ERO1A: variants seen among roughly 807,000 people sequenced by gnomAD.
ERO1A encodes the protein ERO1-like protein alpha.
A neutral mutation model predicts 76.9 loss-of-function variants in ERO1A; 49 were observed. The observed-to-expected ratio is 0.64, with a 90% confidence interval of 0.51 to 0.81. ERO1A has a LOEUF of 0.81. Ranked by LOEUF, ERO1A falls within the 30% of genes least tolerant of loss-of-function variation. ERO1A has a pLI of 0.00. For missense variants in ERO1A, 448 were observed against 542.1 expected, an observed-to-expected ratio of 0.83 and a Z score of 1.72; for synonymous variants, 174 against 181.2, an observed-to-expected ratio of 0.96 and a Z score of 0.32.
At position 52,685,828 on chromosome 14, in the gene ERO1A, T is replaced by C. The variant is rs575758463; in HGVS notation, c.115-1921A>G. ...CACTCCACACACTATTATCTAAGTA[T>C]TACTGTACCTCACAGCAGTGAATTT... On this transcript the variant is annotated intron_variant, in intron 1 of 15. Transcript: ENST00000395686. Among the ~76,000 whole-genome samples, 17 of 152,206 alleles carry C rather than the reference T, an allele frequency of 1.1e-4. No individual in the cohort carries two copies. The South Asian group carries it at 2.3e-3, about 20-fold the overall frequency.
At chr14:52,656,198 A>G (rs888929437) in intron 11 of ERO1A, among the ~76,000 whole-genome samples, 7 of 152,208 alleles carry the variant, frequency 4.6e-5, no homozygotes. Context: ...CTTCAATAAG[A>G]TTAAGTTTTT....
Position 52,662,715 on chromosome 14 carries a change from C to T in ERO1A, c.676+1086G>A, listed in dbSNP as rs368316626. On this transcript the variant is annotated intron_variant, in intron 8 of 15. Coordinates refer to ENST00000395686, the MANE Select transcript of ERO1A (RefSeq NM_014584.3). Reference sequence around the variant, plus strand: ...ACAGTGCCTAGCAGGTAGTAAATGGCGGATAATCATTTGCTGAAAGAACAA... The same window carrying T: ...ACAGTGCCTAGCAGGTAGTAAATGGTGGATAATCATTTGCTGAAAGAACAA... Among the ~76,000 whole-genome samples the T allele has an allele frequency of 7.9e-5, 12 of 152,184 alleles. No homozygotes were observed. The East Asian group carries it at 2.1e-3, about 27-fold the overall frequency.
At chr14:52,681,423 G>T (rs1341602376) in intron 3 of ERO1A, among the ~76,000 whole-genome samples, 2 of 152,076 alleles carry the variant, frequency 1.3e-5, no homozygotes, top group African/African-American at 4.8e-5. Context: ...GACCAACATG[G>T]AGAAACCCCA....
intron 1 of ERO1A, among the ~76,000 whole-genome samples, chr14:52,692,620 T>C (rs894035647): frequency 6.6e-6 from 1 of 152,200 alleles, no homozygotes; most frequent in African/African-American, 2.4e-5. Flanking sequence ...TCCTAACTTG[T>C]TTTTTAAGTG....
intron 10 of ERO1A, 34 bp from the exon 11 acceptor site, chr14:52,658,043 CAT>C (rs768970050): frequency 7.8e-6 from 12 of 1,532,222 alleles, no homozygotes; most frequent in Non-Finnish European, 1.1e-5. Flanking sequence ...AATAAAATTT[CAT>C]ATGTGAATCT....
intron 3 of ERO1A, among the ~76,000 whole-genome samples, chr14:52,680,152 T>C (rs2040945930): frequency 6.6e-6 from 1 of 151,480 alleles, no homozygotes. Flanking sequence ...TTCCCAGCTC[T>C]GCAGAAGCTT....
intron 11 of ERO1A, among the ~76,000 whole-genome samples, chr14:52,654,406 A>G (rs935440671): frequency 6.6e-6 from 1 of 152,128 alleles, no homozygotes; most frequent in Non-Finnish European, 1.5e-5. Flanking sequence ...AGAATTCTAC[A>G]TAAGCCTGTA....
In ERO1A at chr14:52,643,325, T is replaced by C; in HGVS notation, c.*245A>G. 6.8e-6 allele frequency: 2 copies of C among 293,590 alleles called. No individual in the cohort carries two copies. Among genetic ancestry groups the C allele is most frequent in the Non-Finnish European group, 1.2e-5 (2 of 161,014 alleles). The allele number at this position is 293,590 out of a possible 1,614,324, so 18.2% of individuals were successfully genotyped here. ...ATGAATTTGATAATCCTCCTTTTAT[T>C]CAATATTAAACTTTAAAATTTGTAC... is the stretch of plus-strand genomic sequence containing the variant. On this transcript the variant is annotated 3_prime_UTR_variant, in exon 16 of 16. Coordinates refer to ENST00000395686, the MANE Select transcript of ERO1A (RefSeq NM_014584.3).
In ERO1A at chr14:52,683,818, A is replaced by G. The variant is rs144103154; in HGVS notation, c.204T>C (p.Leu68=). ...AATACCTAAAGTAGTCACTTTCAAGAAGTTTTTGTAGTCTTGGGAAAAGCC... is the reference window on the plus strand; with the variant it reads ...AATACCTAAAGTAGTCACTTTCAAGGAGTTTTTGTAGTCTTGGGAAAAGCC... The part of the protein sequence containing the change: ...NYRLFPRLQK[L]LESDYFRYYK... Residue 68 remains leucine (L), a synonymous_variant, in exon 2 of 16, where the codon CTT becomes CTC. Transcript: ENST00000395686. 420 of 1,538,946 alleles carry G rather than the reference A, an allele frequency of 2.7e-4. No homozygotes were observed. The highest frequency in any genetic ancestry group is 5.4e-4 in the Admixed American group (31 of 57,450).
chr14:52,646,531 G>T, intron 13 of ERO1A, 70 bp from the exon 14 acceptor site: 2 of 1,213,618 alleles, frequency 1.6e-6, no homozygotes, highest in Non-Finnish European at 2.4e-6. Context: ...TTCTGAGCAG[G>T]TTCTATGTGC....
chr14:52,660,761 T>C (rs1310111327), intron 9 of ERO1A, among the ~76,000 whole-genome samples: 3 of 152,234 alleles, frequency 2.0e-5, no homozygotes, highest in African/African-American at 7.2e-5. Context: ...TTGTTAAGCA[T>C]ATGGTCTTAA....
chr14:52,688,067 T>C (rs1221299276), intron 1 of ERO1A, among the ~76,000 whole-genome samples: 2 of 152,006 alleles, frequency 1.3e-5, no homozygotes, highest in African/African-American at 4.8e-5. Context: ...ACATCTGTAG[T>C]CCCAGCCACT....
At chr14:52,653,000 A>C in intron 12 of ERO1A, 69 bp downstream of exon 12, 1 of 1,242,782 alleles carries the variant, frequency 8.0e-7, no homozygotes, top group East Asian at 2.6e-5. Flanking sequence ...GTCTCAAAAA[A>C]AAAAAAATTT....
At chr14:52,675,882 A>G (rs1324136514) in intron 4 of ERO1A, among the ~76,000 whole-genome samples, 1 of 152,152 alleles carries the variant, frequency 6.6e-6, no homozygotes, top group East Asian at 1.9e-4. Context: ...ACGGGGTTTC[A>G]CCATGTTGCC....
At chr14:52,653,044 G>A (rs1266562441) in intron 12 of ERO1A, 25 bp downstream of exon 12, 2 of 1,405,760 alleles carry the variant, frequency 1.4e-6, no homozygotes, top group Admixed American at 3.7e-5. Context: ...TTCTATTAAT[G>A]TATAAAGTTT....
At chr14:52,688,811 C>T (rs1320218927) in intron 1 of ERO1A, among the ~76,000 whole-genome samples, 1 of 152,214 alleles carries the variant, frequency 6.6e-6, no homozygotes, top group Non-Finnish European at 1.5e-5. Flanking sequence ...CGCTTGTTCA[C>T]TACTCTCATG....
At position 52,682,307 on chromosome 14, in the gene ERO1A, T is replaced by A; in HGVS notation, c.318+18A>T. 1 of 1,516,536 alleles carries A rather than the reference T, an allele frequency of 6.6e-7. No individual in the cohort carries two copies. Among genetic ancestry groups the A allele is most frequent in the South Asian group, 1.2e-5 (1 of 81,790 alleles). 93.9% of individuals were successfully genotyped at this position (1,516,536 alleles called of 1,614,324 possible). ...GAAAAAACATGTAACAGTTTTTAAA[T>A]GTATACATGGTTCTTACAGATTGAC... On this transcript the variant is annotated intron_variant, in intron 3 of 15. Coordinates refer to ENST00000395686, the MANE Select transcript of ERO1A (RefSeq NM_014584.3).
chr14:52,657,975 A>T lies in ERO1A; in HGVS notation c.750T>A (p.Leu250=), dbSNP rs1479935309. 7 of 1,612,078 alleles carry T rather than the reference A, an allele frequency of 4.3e-6. No homozygotes were observed. In the South Asian group the frequency reaches 7.7e-5, roughly 18 times the overall value. ...TAATGCTTGCATGTAGGCCAGATAT[A>T]AGTCTGTAGAATGCTCTTTTTTCTA... ...LCVEKRAFYR[L]ISGLHASINV... is the part of the protein sequence containing the mutation. The change falls in exon 11 of 16, where the codon CTT becomes CTA. Residue 250 remains leucine, a synonymous_variant. Transcript: ENST00000395686.
At chr14:52,682,558 G>A (rs1033999712) in intron 2 of ERO1A, 150 bp from the exon 3 acceptor site, 5 of 600,114 alleles carry the variant, frequency 8.3e-6, no homozygotes, top group African/African-American at 1.9e-5. Flanking sequence ...TATAACAACT[G>A]CATAAATGTG....
Sources: allele counts gnomAD v4.1 joint callset (sites outside exome capture counted in the v4.1 genomes callset), GRCh38; gene constraint gnomAD v4.1.1; transcripts MANE v1.5; gene names NCBI Gene and HGNC (gene_info 2026-07-23, HGNC 2026-07-21).